Variants in EHBP1 observed in about 807,000 individuals in gnomAD.
EHBP1 encodes the protein EH domain-binding protein 1.
In EHBP1, 55 loss-of-function variants were observed where a neutral mutation model predicts 144.0. The observed-to-expected ratio is 0.38, with a 90% CI of 0.31 to 0.48. The LOEUF (loss-of-function observed/expected upper bound fraction) is 0.48, where lower values mean the gene tolerates loss of function less well. EHBP1 is among the 20% of genes least tolerant of loss of function. The pLI is 0.98. For synonymous variants in EHBP1, 469 were observed against 472.7 expected (o/e 0.99, Z 0.10); for missense variants, 1,200 against 1,364.2 (o/e 0.88, Z 1.90).
intron 5 of EHBP1, among the ~76,000 whole-genome samples, chr2:62,777,195 C>G (rs1397892926): frequency 6.6e-6 from 1 of 152,072 alleles, no homozygotes; most frequent in Admixed American, 6.6e-5. Flanking sequence ...TGTTTTGAAC[C>G]GCTGAGCTCA....
At chr2:62,963,509 A>T (rs772964901) in intron 14 of EHBP1, among the ~76,000 whole-genome samples, 1 of 152,216 alleles carries the variant, frequency 6.6e-6, no homozygotes, top group Non-Finnish European at 1.5e-5. Flanking sequence ...AATATGTATG[A>T]GATTATACTT....
intron 10 of EHBP1, among the ~76,000 whole-genome samples, chr2:62,935,673 A>C (rs2056336808): frequency 6.6e-6 from 1 of 151,996 alleles, no homozygotes; most frequent in South Asian, 2.1e-4. Context: ...TTTCTTTTTT[A>C]ATACATTTTG....
chr2:62,981,528 T>C (rs955057840), intron 15 of EHBP1, among the ~76,000 whole-genome samples: 2 of 152,172 alleles, frequency 1.3e-5, no homozygotes, highest in African/African-American at 4.8e-5. Context: ...CTGGGAAGGC[T>C]AAGGATTAAA....
In EHBP1 at chr2:62,943,848, A is replaced by G; in HGVS notation, c.1411A>G (p.Lys471Glu). ...NPQDIKENNK[K>E]AYDGFASIGI... is the part of the protein sequence containing the mutation. ...TCAAGATATTAAAGAGAACAACAAAAAGGTAAGAATTGATGAGCAAGAAAA... is the reference window on the plus strand; with the variant it reads ...TCAAGATATTAAAGAGAACAACAAAGAGGTAAGAATTGATGAGCAAGAAAA... Residue 471 changes from lysine (K) to glutamate (E), a missense_variant and splice_region_variant, in exon 12 of 23, where the codon AAG becomes GAG. Coordinates refer to ENST00000431489, the MANE Select transcript of EHBP1 (RefSeq NM_001142616.3). 6 of 1,603,266 alleles carry G rather than the reference A, an allele frequency of 3.7e-6. No individual in the cohort carries two copies. Among genetic ancestry groups the G allele is most frequent in the South Asian group, 1.1e-5 (1 of 89,558 alleles).
chr2:62,831,985 T>C (rs1274386824), intron 7 of EHBP1, among the ~76,000 whole-genome samples: 1 of 152,234 alleles, frequency 6.6e-6, no homozygotes, highest in Non-Finnish European at 1.5e-5. Context: ...TAAAAAGTTA[T>C]GTGACTTCCT....
intron 14 of EHBP1, among the ~76,000 whole-genome samples, chr2:62,963,668 A>C (rs529001293): frequency 1.3e-5 from 2 of 152,232 alleles, no homozygotes; most frequent in Non-Finnish European, 2.9e-5. Context: ...TTAACTTTAC[A>C]TTTGTAATTT....
chr2:62,974,624 T>C (rs1185497947), intron 14 of EHBP1, among the ~76,000 whole-genome samples: 1 of 152,196 alleles, frequency 6.6e-6, no homozygotes, highest in Non-Finnish European at 1.5e-5. Flanking sequence ...CTATCCCCTG[T>C]GCTTATGATA....
At chr2:62,754,012 C>G (rs752184370) in intron 3 of EHBP1, among the ~76,000 whole-genome samples, 12 of 152,184 alleles carry the variant, frequency 7.9e-5, no homozygotes, top group Non-Finnish European at 1.5e-4. Context: ...CATGATCCGT[C>G]CAGGTTTGTT....
At chr2:62,738,686 A>C (rs2152087443) in intron 2 of EHBP1, among the ~76,000 whole-genome samples, 3 of 152,252 alleles carry the variant, frequency 2.0e-5, no homozygotes, top group Middle Eastern at 6.8e-3. Flanking sequence ...TCTCTTTTAA[A>C]ATAACCGTTA....
Position 62,750,701 on chromosome 2 carries a change from C to T in EHBP1, c.162+3249C>T, listed in dbSNP as rs533029314. 2.0e-5 allele frequency among the ~76,000 whole-genome samples: 3 copies of T among 152,276 alleles called. No homozygotes were observed. The East Asian group carries it at 5.8e-4, about 29-fold the overall frequency. On this transcript the variant is annotated intron_variant, in intron 3 of 22. Transcript: ENST00000431489. ...TTCTCCTTGAAGAAGTCCTTCACATCCCTTGTAAGTTGGATTCCTAGGTGT... is the reference window on the plus strand; with the variant it reads ...TTCTCCTTGAAGAAGTCCTTCACATTCCTTGTAAGTTGGATTCCTAGGTGT...
chr2:62,870,148 C>CTTTGA (rs1442027704), intron 9 of EHBP1, among the ~76,000 whole-genome samples: 1 of 152,026 alleles, frequency 6.6e-6, no homozygotes, highest in Admixed American at 6.6e-5. Context: ...AATAAGGCTC[C>CTTTGA]TTTGATTCAT....
At position 62,920,664 on chromosome 2, in the gene EHBP1, T is replaced by A. The variant is rs187760918; in HGVS notation, c.1186-22054T>A. Among the ~76,000 whole-genome samples the A allele has an allele frequency of 3.9e-3, 552 of 141,174 alleles. 5 individuals are homozygous for A. Among genetic ancestry groups the A allele is most frequent in the African/African-American group, 0.016 (519 of 31,836 alleles). 92.6% of individuals were successfully genotyped at this position (141,174 alleles called of 152,430 possible). A position where few individuals can be genotyped will look rare whatever the true frequency, so the allele number is the denominator to read the frequency against. ...TCAGGCATATTCTGATTAATCATAT[T>A]TTTTTTTTCTTTTTTTGAGACAGAG... On this transcript the variant is annotated intron_variant, in intron 10 of 22. Coordinates refer to ENST00000431489, the MANE Select transcript of EHBP1 (RefSeq NM_001142616.3).
chr2:62,775,885 C>T (rs1387552379), intron 5 of EHBP1, among the ~76,000 whole-genome samples: 1 of 152,154 alleles, frequency 6.6e-6, no homozygotes, highest in Non-Finnish European at 1.5e-5. Context: ...TTGCCCTTAA[C>T]CCCTACTGCA....
At chr2:62,973,296 A>G (rs1352386766) in intron 14 of EHBP1, among the ~76,000 whole-genome samples, 3 of 152,250 alleles carry the variant, frequency 2.0e-5, no homozygotes, top group African/African-American at 7.2e-5. Flanking sequence ...TCACTCAGTG[A>G]AATACACTTA....
upstream of EHBP1, among the ~76,000 whole-genome samples, chr2:62,700,760 C>A (rs141603976): frequency 8.5e-5 from 13 of 152,322 alleles, no homozygotes; most frequent in East Asian, 2.3e-3. Context: ...ACACTAGCCA[C>A]ATTTTGCATG....
At chr2:62,798,829 C>T (rs1404792327) in intron 5 of EHBP1, among the ~76,000 whole-genome samples, 3 of 151,632 alleles carry the variant, frequency 2.0e-5, no homozygotes, top group Non-Finnish European at 4.4e-5. Context: ...ATGGTGAAAC[C>T]CTGTCTCTAC....
chr2:62,944,191 C>G (rs1195252362), intron 12 of EHBP1, among the ~76,000 whole-genome samples: 1 of 152,060 alleles, frequency 6.6e-6, no homozygotes, highest in Non-Finnish European at 1.5e-5. Context: ...AGAAAATATG[C>G]TGGTTGGGGA....
intron 10 of EHBP1, among the ~76,000 whole-genome samples, chr2:62,881,418 G>GAAAAAAAAAAAAA (rs371288881): frequency 5.7e-5 from 4 of 69,756 alleles, no homozygotes; most frequent in Admixed American, 1.9e-4. Flanking sequence ...AGGAAAAACG[G>GAAAAAAAAAAAAA]AAAAAAAAAA....
At chr2:62,989,894 C>T (rs903895706) in intron 15 of EHBP1, among the ~76,000 whole-genome samples, 1 of 151,930 alleles carries the variant, frequency 6.6e-6, no homozygotes, top group Non-Finnish European at 1.5e-5. Context: ...AAAGAGAAGC[C>T]TTGCAATATA....
Sources: allele counts gnomAD v4.1 joint callset (sites outside exome capture counted in the v4.1 genomes callset), GRCh38; gene constraint gnomAD v4.1.1; transcripts MANE v1.5; gene names NCBI Gene and HGNC (gene_info 2026-07-23, HGNC 2026-07-21).